SLFN12L: variants seen among roughly 807,000 people sequenced by gnomAD.
SLFN12L encodes the protein schlafen family member 12-like.
Under a neutral mutation model 34.8 loss-of-function variants are expected in SLFN12L, and 34 were observed. The observed-to-expected ratio is 0.98, with a 90% CI of 0.74 to 1.30. SLFN12L has a LOEUF of 1.30. Ranked by LOEUF, SLFN12L falls within the 50% of genes most tolerant of loss-of-function variation. The pLI is 0.00. For synonymous variants in SLFN12L, 259 were observed against 247.5 expected, an observed-to-expected ratio of 1.05 and a Z score of -0.44; for missense variants, 703 against 696.2, an observed-to-expected ratio of 1.01 and a Z score of -0.11.
intron 2 of SLFN12L, among the ~76,000 whole-genome samples, chr17:35,488,788 G>C (rs1914713889): frequency 6.6e-6 from 1 of 152,110 alleles, no homozygotes; most frequent in Non-Finnish European, 1.5e-5. Context: ...GTATATAGCT[G>C]GCCGGGCGCG....
At chr17:35,495,106 C>T (rs1453855138) in intron 2 of SLFN12L, among the ~76,000 whole-genome samples, 3 of 151,990 alleles carry the variant, frequency 2.0e-5, no homozygotes, top group Non-Finnish European at 4.4e-5. Context: ...TGCTATGTTG[C>T]CCAGGTTGGT....
In SLFN12L at chr17:35,468,981, A is replaced by G. The variant is rs1597822388; in HGVS notation, c.*5942T>C. On this transcript the variant is annotated 3_prime_UTR_variant, in exon 5 of 5. Coordinates refer to ENST00000628453, the MANE Select transcript of SLFN12L (RefSeq NM_001363830.2). ...TAATGAGCTATGACCACACCACTGC[A>G]CTCCAGCCTCGGTGACAAGGGCAAG... Among the ~76,000 whole-genome samples, 1 of 152,024 alleles carries G rather than the reference A, an allele frequency of 6.6e-6. No homozygotes were observed. Among genetic ancestry groups the G allele is most frequent in the African/African-American group, 2.4e-5 (1 of 41,368 alleles).
chr17:35,518,995 A>C (rs1250220882), intron 2 of SLFN12L, among the ~76,000 whole-genome samples: 3 of 152,356 alleles, frequency 2.0e-5, no homozygotes, highest in South Asian at 4.2e-4. Context: ...TGGCACGTAC[A>C]CACTATGCAG....
At chr17:35,526,521 G>A (rs896289327) in intron 1 of SLFN12L, among the ~76,000 whole-genome samples, 17 of 152,126 alleles carry the variant, frequency 1.1e-4, no homozygotes, top group African/African-American at 3.4e-4. Flanking sequence ...TCAGTCCACA[G>A]TGCAATCAAA....
chr17:35,530,518 AAAAG>A (rs1464699208), intron 1 of SLFN12L, among the ~76,000 whole-genome samples: 24 of 34,930 alleles, frequency 6.9e-4, no homozygotes, highest in East Asian at 3.4e-3. Flanking sequence ...GAAAGAAAAG[AAAAG>A]AAAAGAAAAG....
chr17:35,479,442 G>A lies in SLFN12L; in HGVS notation c.840C>T (p.Phe280=), dbSNP rs371094585. 5.6e-6 allele frequency: 9 copies of A among 1,613,918 alleles called. No individual in the cohort carries two copies. The highest frequency in any genetic ancestry group is 3.3e-5 in the Admixed American group (2 of 59,996). Residue 280 remains phenylalanine, a synonymous_variant, in exon 3 of 5, where the codon TTC becomes TTT. Transcript: ENST00000628453. The part of the protein sequence containing the change: ...AFANTDGGYL[F]VGLNEDKEVI... ...CTTCTTTATCTTCATTTAGACCAAC[G>A]AATAAATATCCTCCATCAGTATTTG...
chr17:35,479,670 G>GA lies in SLFN12L; in HGVS notation c.611dup (p.Ala206CysfsTer7). ...CATCAACACAGGCCCTTTTTGCAGG[G>GA]AATTCTGGTCTTAAATATGCTCTCC... is the stretch of plus-strand genomic sequence containing the variant. On this transcript the variant is annotated frameshift_variant, in exon 3 of 5. Coordinates refer to ENST00000628453, the MANE Select transcript of SLFN12L (RefSeq NM_001363830.2). LOFTEE classifies it high-confidence loss of function. 6.2e-7 allele frequency: 1 copy of GA among 1,611,932 alleles called. No individual in the cohort carries two copies. The highest frequency in any genetic ancestry group is 8.5e-7 in the Non-Finnish European group (1 of 1,178,810).
intron 1 of SLFN12L, among the ~76,000 whole-genome samples, chr17:35,528,113 G>A (rs1291041366): frequency 6.6e-6 from 1 of 152,114 alleles, no homozygotes; most frequent in East Asian, 1.9e-4. Flanking sequence ...GCTACAAAGA[G>A]AATAAAATAC....
At chr17:35,484,406 C>G (rs1028552339) in intron 2 of SLFN12L, among the ~76,000 whole-genome samples, 1 of 152,210 alleles carries the variant, frequency 6.6e-6, no homozygotes, top group Non-Finnish European at 1.5e-5. Context: ...AGCTTTGGTT[C>G]AGTTCCTACC....
intron 1 of SLFN12L, among the ~76,000 whole-genome samples, chr17:35,525,408 C>T (rs2072324314): frequency 6.6e-6 from 1 of 152,162 alleles, no homozygotes; most frequent in Non-Finnish European, 1.5e-5. Flanking sequence ...ACATAATCGT[C>T]AGATTCACCA....
rs1211812029 is a variant in SLFN12L, at chr17:35,479,892, T to C, written c.390A>G (p.Pro130=). 2.5e-6 allele frequency: 4 copies of C among 1,611,958 alleles called. No individual in the cohort carries two copies. The highest frequency in any genetic ancestry group is 3.4e-6 in the Non-Finnish European group (4 of 1,178,814). ...TGAAGTCCAGGAAATTAGGAACAAA[T>C]GGCAGCATGTTACTAAAAGAATTTT... ...DLENSFSNML[P]FVPNFLDFMQ... The change falls in exon 3 of 5, where the codon CCA becomes CCG. Residue 130 remains proline, a synonymous_variant. Transcript: ENST00000628453.
intron 4 of SLFN12L, among the ~76,000 whole-genome samples, chr17:35,476,845 A>G (rs1341759237): frequency 1.3e-5 from 2 of 152,186 alleles, no homozygotes; most frequent in Non-Finnish European, 2.9e-5. Context: ...TAAAGTCTCT[A>G]CAATTTGTAA....
At position 35,466,843 on chromosome 17, in the gene SLFN12L, T is replaced by C. The variant is rs1399362705; in HGVS notation, c.*8080A>G. On this transcript the variant is annotated 3_prime_UTR_variant, in exon 5 of 5. Coordinates refer to ENST00000628453, the MANE Select transcript of SLFN12L (RefSeq NM_001363830.2). ...TGCCTGAGGGCTCTCAGCCTCATGC[T>C]ATATGCCATTAAAACCACAAATGAC... Among the ~76,000 whole-genome samples, 1 of 152,218 alleles carries C rather than the reference T, an allele frequency of 6.6e-6. No individual in the cohort carries two copies. The highest frequency in any genetic ancestry group is 1.9e-4 in the East Asian group (1 of 5,196).
chr17:35,475,988 G>A (rs1026115383), intron 4 of SLFN12L, among the ~76,000 whole-genome samples: 17 of 151,000 alleles, frequency 1.1e-4, no homozygotes, highest in African/African-American at 3.6e-4. Context: ...GGACTGGAGA[G>A]CAACCAATAC....
At chr17:35,490,222 A>G (rs1914780018) in intron 2 of SLFN12L, 1 of 1,576,652 alleles carries the variant, frequency 6.3e-7, no homozygotes, top group Admixed American at 1.7e-5. Flanking sequence ...TGGCAAAGTG[A>G]AGTCTGGAGC....
chr17:35,503,705 T>G (rs768668049), intron 2 of SLFN12L, among the ~76,000 whole-genome samples: 1 of 152,150 alleles, frequency 6.6e-6, no homozygotes, highest in South Asian at 2.1e-4. Flanking sequence ...TTGCTTTATC[T>G]TCCACTTTCC....
At chr17:35,505,532 C>T (rs529815643) in intron 2 of SLFN12L, among the ~76,000 whole-genome samples, 3 of 152,156 alleles carry the variant, frequency 2.0e-5, no homozygotes, top group African/African-American at 7.2e-5. Context: ...TAACCAAGTA[C>T]CAAAGCTTGC....
At chr17:35,504,176 T>G (rs1475747230) in intron 2 of SLFN12L, among the ~76,000 whole-genome samples, 1 of 152,224 alleles carries the variant, frequency 6.6e-6, no homozygotes, top group Non-Finnish European at 1.5e-5. Flanking sequence ...AAAGTACCTC[T>G]GTCCCTCCTG....
Position 35,486,816 on chromosome 17 carries a change from A to G in SLFN12L, c.87-6621T>C, listed in dbSNP as rs148017978. On this transcript the variant is annotated intron_variant, in intron 2 of 4. Coordinates refer to ENST00000628453, the MANE Select transcript of SLFN12L (RefSeq NM_001363830.2). The stretch of plus-strand genomic sequence containing the variant: ...TAATGGGAATGGGGGTGGCATTCAT[A>G]TCTCCTTAGAGTTATGCCAGAACAA... Among the ~76,000 whole-genome samples, 1,160 of 152,286 alleles carry G rather than the reference A, an allele frequency of 7.6e-3. 21 individuals are homozygous for G. Among genetic ancestry groups the G allele is most frequent in the African/African-American group, 0.027 (1,103 of 41,534 alleles).
Sources: allele counts gnomAD v4.1 joint callset (sites outside exome capture counted in the v4.1 genomes callset), GRCh38; gene constraint gnomAD v4.1.1; transcripts MANE v1.5; gene names NCBI Gene and HGNC (gene_info 2026-07-23, HGNC 2026-07-21).